BMPER: variants seen among roughly 807,000 people sequenced by gnomAD.
BMPER encodes the protein BMP binding endothelial regulator.
In BMPER, 45 loss-of-function variants were observed where a neutral mutation model predicts 87.3. The ratio of observed to expected loss-of-function variants is 0.52; its 90% confidence interval spans 0.41 to 0.66. The LOEUF (loss-of-function observed/expected upper bound fraction) is 0.66. Among genes scored for constraint, BMPER ranks in the 30% least tolerant of loss-of-function variants. BMPER has a pLI of 0.00. For synonymous variants in BMPER, 326 were observed against 316.2 expected (o/e 1.03, Z -0.33); for missense variants, 784 against 867.5 (o/e 0.90, Z 1.21).
intron 13 of BMPER, among the ~76,000 whole-genome samples, chr7:34,141,394 G>A (rs1160817734): frequency 6.6e-6 from 1 of 152,060 alleles, no homozygotes; most frequent in African/African-American, 2.4e-5. Flanking sequence ...TGGATCATCT[G>A]AGGTCAGGAG....
At chr7:34,030,328 T>C (rs1787487968) in intron 6 of BMPER, among the ~76,000 whole-genome samples, 1 of 152,134 alleles carries the variant, frequency 6.6e-6, no homozygotes, top group Admixed American at 6.6e-5. Context: ...TTTTCCAAAT[T>C]GTGTTTCCCT....
intron 6 of BMPER, among the ~76,000 whole-genome samples, chr7:33,992,819 A>G (rs1208915897): frequency 1.5e-5 from 2 of 135,770 alleles, no homozygotes; most frequent in Admixed American, 7.4e-5. Context: ...CCTGGTGGTG[A>G]CAAAATCTCT....
chr7:34,085,050 G>A (rs1789162381), intron 12 of BMPER, among the ~76,000 whole-genome samples: 1 of 152,146 alleles, frequency 6.6e-6, no homozygotes, highest in Non-Finnish European at 1.5e-5. Flanking sequence ...AAATGTTGAA[G>A]CTTTTGAGCA....
intron 6 of BMPER, among the ~76,000 whole-genome samples, chr7:34,024,503 C>T (rs1339460856): frequency 7.4e-6 from 1 of 135,324 alleles, no homozygotes; most frequent in Non-Finnish European, 1.5e-5. Flanking sequence ...CCAGTAATGT[C>T]CCATTCCTCT....
intron 3 of BMPER, among the ~76,000 whole-genome samples, chr7:33,942,620 G>A (rs1365191497): frequency 6.6e-6 from 1 of 152,074 alleles, no homozygotes; most frequent in African/African-American, 2.4e-5. Flanking sequence ...AGAGAGGGTC[G>A]GCCTCCCTGT....
At chr7:34,048,881 G>A (rs1788064716) in intron 7 of BMPER, among the ~76,000 whole-genome samples, 1 of 152,172 alleles carries the variant, frequency 6.6e-6, no homozygotes. Flanking sequence ...TTTATCTTAT[G>A]TTGGACCATG....
chr7:33,906,471 T>C (rs202127412), intron 1 of BMPER, among the ~76,000 whole-genome samples: 1 of 22,692 alleles, frequency 4.4e-5, no homozygotes, highest in Non-Finnish European at 9.6e-5. Flanking sequence ...TTATTTTTTA[T>C]TTTTTTCTTT....
chr7:34,003,194 T>C (rs1786632118), intron 6 of BMPER, among the ~76,000 whole-genome samples: 2 of 151,612 alleles, frequency 1.3e-5, no homozygotes, highest in Admixed American at 6.6e-5. Context: ...CACACACACA[T>C]ATATACACAC....
intron 13 of BMPER, among the ~76,000 whole-genome samples, chr7:34,133,534 C>A (rs1790645690): frequency 6.6e-6 from 1 of 152,108 alleles, no homozygotes; most frequent in Admixed American, 6.5e-5. Context: ...ATCAACTGGG[C>A]AACTTAAGTG....
At chr7:34,100,845 G>A (rs1301578105) in intron 13 of BMPER, among the ~76,000 whole-genome samples, 3 of 152,086 alleles carry the variant, frequency 2.0e-5, no homozygotes, top group Non-Finnish European at 2.9e-5. Flanking sequence ...TGCTACCCAC[G>A]TATACACACA....
intron 2 of BMPER, among the ~76,000 whole-genome samples, chr7:33,915,013 A>G (rs1784056289): frequency 6.6e-6 from 1 of 152,232 alleles, no homozygotes; most frequent in East Asian, 1.9e-4. Flanking sequence ...AATTGATCAT[A>G]GATGAGATTC....
chr7:34,034,615 C>G (rs766185236), intron 6 of BMPER, among the ~76,000 whole-genome samples: 6 of 152,212 alleles, frequency 3.9e-5, no homozygotes, highest in Non-Finnish European at 5.9e-5. Context: ...GCCAATATCA[C>G]TTTCCTTTTT....
intron 1 of BMPER, among the ~76,000 whole-genome samples, chr7:33,906,316 G>A (rs186693158): frequency 1.3e-5 from 2 of 152,332 alleles, no homozygotes; most frequent in Admixed American, 6.5e-5. Context: ...CAATTTCTAA[G>A]AGAAGGGAAA....
intron 12 of BMPER, among the ~76,000 whole-genome samples, chr7:34,083,304 A>G (rs1212957538): frequency 6.6e-6 from 1 of 152,222 alleles, no homozygotes; most frequent in African/African-American, 2.4e-5. Context: ...GTGGGTTTCC[A>G]GCTGTATGTC....
rs1202547580 is a variant in BMPER at position 33,966,578 on chromosome 7, T to A, written c.402+17T>A. The A allele has an allele frequency of 2.5e-6, 4 of 1,610,058 alleles. No homozygotes were observed. The South Asian group carries it at 4.4e-5, about 18-fold the overall frequency. On this transcript the variant is annotated intron_variant, in intron 4 of 14. Coordinates refer to ENST00000649409, the MANE Select transcript of BMPER (RefSeq NM_001365308.1). ...CAGTGCCAGGTAAAGTTCAATTATT[T>A]CTCTCTCCAGTAAAAAGGAATCCAT...
intron 13 of BMPER, among the ~76,000 whole-genome samples, chr7:34,093,333 A>G (rs953930043): frequency 6.6e-6 from 1 of 152,328 alleles, no homozygotes. Context: ...ACCCGATCGC[A>G]TGCCACCTGC....
chr7:33,973,630 A>T (rs1282936488), intron 5 of BMPER, among the ~76,000 whole-genome samples: 4 of 152,256 alleles, frequency 2.6e-5, no homozygotes, highest in Non-Finnish European at 5.9e-5. Flanking sequence ...TGGGTTCTGC[A>T]GATGGCTTTA....
intron 3 of BMPER, among the ~76,000 whole-genome samples, chr7:33,946,313 A>G (rs1265754836): frequency 6.6e-6 from 1 of 152,196 alleles, no homozygotes; most frequent in Non-Finnish European, 1.5e-5. Context: ...ACAATTCAAG[A>G]TAAGATTTGG....
At chr7:33,921,467 C>G (rs535450093) in intron 2 of BMPER, among the ~76,000 whole-genome samples, 1 of 152,312 alleles carries the variant, frequency 6.6e-6, no homozygotes, top group African/African-American at 2.4e-5. Flanking sequence ...CAATCCCAGG[C>G]AGAGTCCACA....
Sources: gnomAD v4.1 joint callset for allele counts (sites outside exome capture counted in the v4.1 genomes callset) on GRCh38, gnomAD v4.1.1 for gene constraint, MANE v1.5 for transcripts, NCBI Gene and HGNC (gene_info 2026-07-23, HGNC 2026-07-21) for gene names.